The following OR9Q1 variants were observed in gnomAD, a reference collection of about 807,000 sequenced individuals.
OR9Q1 encodes the protein olfactory receptor 9Q1.
For synonymous variants in OR9Q1, 153 were observed against 148.6 expected (o/e 1.03, Z -0.22); for missense variants, 374 against 378.8 (o/e 0.99, Z 0.11).
Position 58,180,402 on chromosome 11 carries a change from G to A in OR9Q1, c.*25G>A, listed in dbSNP as rs777850416. On this transcript the variant is annotated 3_prime_UTR_variant, in exon 3 of 3. Coordinates refer to ENST00000335397, the MANE Select transcript of OR9Q1 (RefSeq NM_001005212.4). ...ACCATCTCCAAACTTGGAAAATCCC[G>A]AGAACCACCTACTCTGTAGTGTCAG... The A allele has an allele frequency of 4.6e-5, 66 of 1,440,028 alleles. No homozygotes were observed. Among genetic ancestry groups the A allele is most frequent in the East Asian group, 6.9e-5 (3 of 43,678 alleles). 89.2% of individuals were successfully genotyped at this position (1,440,028 alleles called of 1,614,324 possible).
At chr11:58,114,459 A>T (rs1331609763) in intron 2 of OR9Q1, among the ~76,000 whole-genome samples, 1 of 152,152 alleles carries the variant, frequency 6.6e-6, no homozygotes, top group Non-Finnish European at 1.5e-5. Flanking sequence ...ATTAATGAGT[A>T]TGACAGGGCT....
At chr11:58,054,356 C>T (rs1475642315) in intron 1 of OR9Q1, among the ~76,000 whole-genome samples, 2 of 152,120 alleles carry the variant, frequency 1.3e-5, no homozygotes, top group African/African-American at 2.4e-5. Context: ...AGCTCCTACC[C>T]GCCTTTCCAA....
intron 1 of OR9Q1, among the ~76,000 whole-genome samples, chr11:58,055,064 A>G (rs1853314291): frequency 6.6e-6 from 1 of 152,226 alleles, no homozygotes; most frequent in Admixed American, 6.5e-5. Flanking sequence ...AACTGGTTCT[A>G]GAGTCCTGAG....
chr11:58,102,694 A>G (rs1853796170), intron 2 of OR9Q1, among the ~76,000 whole-genome samples: 1 of 151,926 alleles, frequency 6.6e-6, no homozygotes. Context: ...TCCTGTTTTT[A>G]GAATTCTCTT....
At chr11:58,047,721 A>G (rs1209252252) in intron 1 of OR9Q1, among the ~76,000 whole-genome samples, 1 of 45,898 alleles carries the variant, frequency 2.2e-5, no homozygotes, top group African/African-American at 6.4e-5. Context: ...ATGATACAAA[A>G]AAAAAAAAAA....
intron 1 of OR9Q1, among the ~76,000 whole-genome samples, chr11:58,030,720 C>G (rs1416408633): frequency 6.6e-6 from 1 of 152,190 alleles, no homozygotes; most frequent in African/African-American, 2.4e-5. Flanking sequence ...TATTTCTGCT[C>G]ATAGTATCCT....
At chr11:58,140,935 C>T (rs1695019820) in intron 2 of OR9Q1, among the ~76,000 whole-genome samples, 1 of 152,154 alleles carries the variant, frequency 6.6e-6, no homozygotes, top group Non-Finnish European at 1.5e-5. Context: ...AATGTTCTTC[C>T]ATTTGTTTGT....
chr11:58,117,089 A>G (rs1316783986), intron 2 of OR9Q1: 2 of 152,222 alleles, frequency 1.3e-5, no homozygotes, highest in Non-Finnish European at 2.9e-5. Flanking sequence ...GTCAGTGGCC[A>G]TTAAATTCTA....
Position 58,075,004 on chromosome 11 carries a change from T to G in OR9Q1, c.-15+19057T>G, listed in dbSNP as rs139478113. ...ACCAGTACCATGCTGTTTTGGTTAC[T>G]GTAGCCTTGTAGTATAGTTTGAAGT... On this transcript the variant is annotated intron_variant, in intron 2 of 2. Coordinates refer to ENST00000335397, the MANE Select transcript of OR9Q1 (RefSeq NM_001005212.4). Among the ~76,000 whole-genome samples, 1,258 of 152,336 alleles carry G rather than the reference T, an allele frequency of 8.3e-3. 15 individuals carry two copies. The highest frequency in any genetic ancestry group is 0.028 in the African/African-American group (1,182 of 41,582).
At chr11:58,066,791 G>A (rs1014231718) in intron 2 of OR9Q1, among the ~76,000 whole-genome samples, 1 of 152,110 alleles carries the variant, frequency 6.6e-6, no homozygotes, top group Non-Finnish European at 1.5e-5. Context: ...GGGCCTCCTG[G>A]GCCCACACCC....
intron 2 of OR9Q1, among the ~76,000 whole-genome samples, chr11:58,168,484 AT>A (rs1394084952): frequency 6.6e-6 from 1 of 152,096 alleles, no homozygotes; most frequent in Non-Finnish European, 1.5e-5. Flanking sequence ...GTCATATTTA[AT>A]TTTTTTGTTG....
At chr11:58,146,247 A>G (rs1854297877) in intron 2 of OR9Q1, among the ~76,000 whole-genome samples, 1 of 152,184 alleles carries the variant, frequency 6.6e-6, no homozygotes, top group South Asian at 2.1e-4. Context: ...ATTCTTCAGT[A>G]ATGAAAACCA....
intron 2 of OR9Q1, among the ~76,000 whole-genome samples, chr11:58,108,383 G>A (rs1447173): frequency 0.13 from 19,317 of 152,222 alleles, 1,463 homozygotes; most frequent in South Asian, 0.19. Context: ...GCATGGCTGA[G>A]TTGGGGAGTG....
intron 2 of OR9Q1, chr11:58,119,052 G>C: frequency 6.2e-7 from 1 of 1,614,022 alleles, no homozygotes; most frequent in East Asian, 2.2e-5. Flanking sequence ...CCACGGTATA[G>C]AGCAGTGGGT....
chr11:58,073,835 A>T (rs1455453156), intron 2 of OR9Q1, among the ~76,000 whole-genome samples: 1 of 152,060 alleles, frequency 6.6e-6, no homozygotes, highest in African/African-American at 2.4e-5. Context: ...CTGGTGTGTG[A>T]TGTTTCCCTC....
At chr11:58,143,716 G>C (rs549919637) in intron 2 of OR9Q1, among the ~76,000 whole-genome samples, 13 of 151,902 alleles carry the variant, frequency 8.6e-5, no homozygotes, top group African/African-American at 1.5e-4. Flanking sequence ...GGCTGTAGGC[G>C]GGGGGGTGGC....
chr11:58,112,963 C>T (rs568972770), intron 2 of OR9Q1, among the ~76,000 whole-genome samples: 10 of 152,182 alleles, frequency 6.6e-5, no homozygotes, highest in African/African-American at 2.2e-4. Flanking sequence ...CCCTCAGAGA[C>T]CCAGGACTTA....
At chr11:58,030,382 C>T (rs1396772015) in intron 1 of OR9Q1, among the ~76,000 whole-genome samples, 1 of 152,106 alleles carries the variant, frequency 6.6e-6, no homozygotes, top group African/African-American at 2.4e-5. Flanking sequence ...TAGATTTCCC[C>T]CTTGACATTT....
chr11:58,037,689 A>ATATAG (rs1853119570), intron 1 of OR9Q1, among the ~76,000 whole-genome samples: 27 of 7,000 alleles, frequency 3.9e-3, no homozygotes, highest in African/African-American at 8.7e-3. Context: ...ATATATATAT[A>ATATAG]TTTTTTTTTT....
Sources: gnomAD v4.1 joint callset for allele counts (sites outside exome capture counted in the v4.1 genomes callset) on GRCh38, gnomAD v4.1.1 for gene constraint, MANE v1.5 for transcripts, NCBI Gene and HGNC (gene_info 2026-07-23, HGNC 2026-07-21) for gene names.